The following CROCC variants were observed in gnomAD, a reference collection of about 807,000 sequenced individuals.
CROCC encodes ciliary rootlet coiled-coil, rootletin.
CROCC carries 180 observed loss-of-function variants against 245.2 expected under a neutral mutation model. The observed-to-expected ratio is 0.73, with a 90% CI of 0.65 to 0.83. The LOEUF (loss-of-function observed/expected upper bound fraction) is 0.83, where lower values mean the gene tolerates loss of function less well. Among genes scored for constraint, CROCC ranks in the 40% least tolerant of loss-of-function variants. The probability of loss-of-function intolerance (pLI) is 0.00; values close to 1 mark genes in which losing one functional copy is unlikely to be tolerated. For synonymous variants in CROCC, 1,205 were observed against 1,241.6 expected, an observed-to-expected ratio of 0.97 and a Z score of 0.62; for missense variants, 2,688 against 2,779.4, an observed-to-expected ratio of 0.97 and a Z score of 0.74.
chr1:16,943,184 G>C (rs2075968642), intron 13 of CROCC, among the ~76,000 whole-genome samples: 1 of 151,976 alleles, frequency 6.6e-6, no homozygotes, highest in South Asian at 2.1e-4. Context: ...GGAGGTTGCA[G>C]CAAGCCGAGA....
At chr1:16,948,668 C>T (rs2076105037) in intron 18 of CROCC, 131 bp from the exon 19 acceptor site, 1 of 1,526,362 alleles carries the variant, frequency 6.6e-7, no homozygotes, top group East Asian at 2.3e-5. Flanking sequence ...CTCAGGCTTC[C>T]CCAGGGAGTG....
In CROCC at chr1:16,955,496, G is replaced by A. The variant is rs150909109; in HGVS notation, c.3650G>A (p.Arg1217His). ...EGAKEREALR[R>H]SNEELRSAVK... Reference sequence around the variant, plus strand: ...GCCAAGGAGCGCGAGGCCCTGCGGCGTTCCAATGAGGAGCTTCGGTCTGCT... The same window carrying A: ...GCCAAGGAGCGCGAGGCCCTGCGGCATTCCAATGAGGAGCTTCGGTCTGCT... The change falls in exon 24 of 37, where the codon CGT (arginine) becomes CAT (histidine). Residue 1217 changes from arginine to histidine, a missense_variant. By Grantham distance (29) the Arg-to-His change is conservative. This residue lies in a region of CROCC where 1,218 missense variants were observed against 1,286.3 expected (regional missense o/e 0.95). Coordinates refer to ENST00000375541, the MANE Select transcript of CROCC (RefSeq NM_014675.5). 1.9e-4 allele frequency: 304 copies of A among 1,577,250 alleles called. No homozygotes were observed. Among genetic ancestry groups the A allele is most frequent in the East Asian group, 6.6e-4 (29 of 43,936 alleles).
chr1:16,925,662 G>A (rs969167805), intron 3 of CROCC, among the ~76,000 whole-genome samples: 3 of 152,280 alleles, frequency 2.0e-5, no homozygotes, highest in African/African-American at 7.2e-5. Context: ...AGCTGGACTT[G>A]TCCAGGCTGG....
intron 3 of CROCC, among the ~76,000 whole-genome samples, chr1:16,927,288 T>C (rs1468257095): frequency 7.9e-5 from 12 of 152,284 alleles, no homozygotes; most frequent in Middle Eastern, 3.4e-3. Context: ...ATAACAACCA[T>C]ATGCAGATGA....
chr1:16,928,077 G>A (rs1412465950), intron 3 of CROCC, among the ~76,000 whole-genome samples: 3 of 152,296 alleles, frequency 2.0e-5, no homozygotes, highest in Admixed American at 2.0e-4. Flanking sequence ...CCCGAGATGA[G>A]CGTGGGTGAG....
At chr1:16,963,873 G>A (rs1347184333) in intron 27 of CROCC, among the ~76,000 whole-genome samples, 1 of 151,744 alleles carries the variant, frequency 6.6e-6, no homozygotes, top group Admixed American at 6.6e-5. Flanking sequence ...TCGACTCACT[G>A]CAACCTCCGC....
At chr1:16,935,900 G>T (rs1240547861) in intron 8 of CROCC, among the ~76,000 whole-genome samples, 1 of 152,264 alleles carries the variant, frequency 6.6e-6, no homozygotes, top group East Asian at 1.9e-4. Flanking sequence ...GTATATCGTT[G>T]GATACGTTCT....
rs2075630710 is a variant in CROCC at position 16,930,027 on chromosome 1, G to A, written c.533G>A (p.Gly178Asp). 1 of 1,573,344 alleles carries A rather than the reference G, an allele frequency of 6.4e-7. No individual in the cohort carries two copies. The highest frequency in any genetic ancestry group is 2.3e-5 in the East Asian group (1 of 43,900). The change falls in exon 4 of 37, where the codon GGC becomes GAC. Residue 178 changes from glycine (G) to aspartate (D), a missense_variant. Physicochemically the swap from Gly to Asp is moderately conservative, Grantham distance 94. Around this residue, in one of 9 missense-constraint regions of CROCC, gnomAD observed 972 missense variants for 895.3 expected, o/e 1.09. Transcript: ENST00000375541. Reference sequence around the variant, plus strand: ...GCCCAGCTTGTGCAGCGGCTGCAGGGCAAGGTCAGGACCACCCACTCCTGC... The same window carrying A: ...GCCCAGCTTGTGCAGCGGCTGCAGGACAAGGTCAGGACCACCCACTCCTGC... ...RQAQLVQRLQ[G>D]KILQYKKRCS...
chr1:16,957,742 GC>G (rs570568688), intron 25 of CROCC, among the ~76,000 whole-genome samples: 5 of 151,918 alleles, frequency 3.3e-5, no homozygotes, highest in South Asian at 4.2e-4. Flanking sequence ...ACGATGCCTG[GC>G]CCCCCCAAAT....
intron 1 of CROCC, among the ~76,000 whole-genome samples, chr1:16,914,705 A>C (rs1385542133): frequency 1.3e-5 from 2 of 152,162 alleles, no homozygotes; most frequent in Non-Finnish European, 2.9e-5. Flanking sequence ...ATGCGGCCTC[A>C]GGCCTCTGTG....
intron 13 of CROCC, chr1:16,940,817 C>G (rs1467060177): frequency 3.6e-5 from 13 of 361,214 alleles, no homozygotes; most frequent in Non-Finnish European, 6.7e-5. Context: ...ACCTGGAACT[C>G]CCAGACTCAA....
At chr1:16,919,242 A>G (rs1405103575), upstream of CROCC, among the ~76,000 whole-genome samples, 3 of 152,284 alleles carry the variant, frequency 2.0e-5, no homozygotes, top group Non-Finnish European at 4.4e-5. Flanking sequence ...CTCAAAGCGC[A>G]AATGCCTCGG....
intron 13 of CROCC, among the ~76,000 whole-genome samples, chr1:16,942,992 C>T (rs1421736102): frequency 6.6e-6 from 1 of 152,266 alleles, no homozygotes; most frequent in Non-Finnish European, 1.5e-5. Context: ...CCTGTAATCC[C>T]AGCACTTTGG....
chr1:16,946,013 T>G (rs1275238865), intron 15 of CROCC, among the ~76,000 whole-genome samples: 4 of 152,280 alleles, frequency 2.6e-5, no homozygotes, highest in Non-Finnish European at 4.4e-5. Context: ...CAGGGGATCC[T>G]CTGAACTCTG....
intron 12 of CROCC, 54 bp from the exon 13 acceptor site, chr1:16,939,840 T>TG (rs1276456055): frequency 3.4e-4 from 529 of 1,554,500 alleles, no homozygotes; most frequent in Non-Finnish European, 4.2e-4. Flanking sequence ...AGAGAGTAGG[T>TG]GGCTCTGGAG....
chr1:16,946,890 G>A lies in CROCC; in HGVS notation c.2413G>A (p.Glu805Lys), dbSNP rs1412414202. The A allele has an allele frequency of 2.6e-6, 4 of 1,564,560 alleles. No individual in the cohort carries two copies. Among genetic ancestry groups the A allele is most frequent in the Non-Finnish European group, 3.5e-6 (4 of 1,154,850 alleles). The change falls in exon 17 of 37, where the codon GAG (glutamate) becomes AAG (lysine). Residue 805 changes from glutamate to lysine, a missense_variant. This residue lies in a region of CROCC where 295 missense variants were observed against 241.7 expected (regional missense o/e 1.22). Transcript: ENST00000375541. ...GCAGGAGGTGGCGCGGCAGGGCCTG[G>A]AGGGCTCCCTACGAGTGGCGGAGCA... ...LEQEVARQGL[E>K]GSLRVAEQAQ... is the part of the protein sequence containing the mutation.
chr1:16,923,970 G>C (rs1466993850), intron 2 of CROCC, among the ~76,000 whole-genome samples: 3 of 152,242 alleles, frequency 2.0e-5, no homozygotes, highest in Non-Finnish European at 4.4e-5. Flanking sequence ...GTGAGTCCGT[G>C]CCCGCCCCAC....
intron 14 of CROCC, among the ~76,000 whole-genome samples, chr1:16,944,674 G>T (rs1231254522): frequency 6.6e-6 from 1 of 152,236 alleles, no homozygotes; most frequent in East Asian, 1.9e-4. Context: ...TGACATAGAA[G>T]CGGTTATCTC....
intron 12 of CROCC, 30 bp downstream of exon 12, chr1:16,939,172 A>C: frequency 2.9e-6 from 4 of 1,368,112 alleles, no homozygotes; most frequent in Non-Finnish European, 2.8e-6. Flanking sequence ...TTCTGGGCGC[A>C]GCCAGAGGCC....
Sources: gnomAD v4.1 joint callset for allele counts (sites outside exome capture counted in the v4.1 genomes callset) on GRCh38, gnomAD v4.1.1 for gene constraint, gnomAD v4.1.1 regional missense constraint, MANE v1.5 for transcripts, NCBI Gene and HGNC (gene_info 2026-07-23, HGNC 2026-07-21) for gene names.